CACNA2D1: variants seen among roughly 807,000 people sequenced by gnomAD.
The protein encoded by CACNA2D1 is calcium voltage-gated channel auxiliary subunit alpha2delta 1.
CACNA2D1 carries 53 observed loss-of-function variants against 171.5 expected under a neutral mutation model. The observed-to-expected ratio is 0.31, with a 90% CI of 0.25 to 0.39. The LOEUF is 0.39. Among genes scored for constraint, CACNA2D1 ranks in the 10% least tolerant of loss-of-function variants. CACNA2D1 has a pLI of 1.00. For synonymous variants in CACNA2D1, 442 were observed against 443.1 expected, an observed-to-expected ratio of 1.00 and a Z score of 0.03; for missense variants, 903 against 1,299.8, an observed-to-expected ratio of 0.69 and a Z score of 4.69.
intron 3 of CACNA2D1, among the ~76,000 whole-genome samples, chr7:82,251,457 C>T (rs1222955921): frequency 6.6e-6 from 1 of 152,064 alleles, no homozygotes; most frequent in Non-Finnish European, 1.5e-5. Context: ...TTTCATTGTA[C>T]ATTCATGGTA....
rs555207342 is a variant in CACNA2D1 at position 81,992,259 on chromosome 7, T to A, written c.1735-1013A>T. ...TATCAGGCACTATGCTAAGCACCTG[T>A]CATTCTGTCACTTAGTCCAACCACT... On this transcript the variant is annotated intron_variant, in intron 20 of 38. Transcript: ENST00000356860. 3.7e-4 allele frequency among the ~76,000 whole-genome samples: 56 copies of A among 152,312 alleles called. 2 individuals are homozygous for A. The highest frequency in any genetic ancestry group is 1.3e-3 in the African/African-American group (52 of 41,582).
At position 82,081,023 on chromosome 7, in the gene CACNA2D1, A is replaced by G. The variant is rs1271197090; in HGVS notation, c.658+3746T>C. On this transcript the variant is annotated intron_variant, in intron 7 of 38. Transcript: ENST00000356860. ...GAGTTATTAATGTTCCACTTTTTCAAATTTAATGATTAGGTCTCAGAGAGT... is the reference window on the plus strand; with the variant it reads ...GAGTTATTAATGTTCCACTTTTTCAGATTTAATGATTAGGTCTCAGAGAGT... Among the ~76,000 whole-genome samples, 6 of 152,154 alleles carry G rather than the reference A, an allele frequency of 3.9e-5. No individual in the cohort carries two copies. In the East Asian group the frequency reaches 1.2e-3, roughly 29 times the overall value.
chr7:82,232,796 A>C (rs1478838714), intron 3 of CACNA2D1, among the ~76,000 whole-genome samples: 1 of 133,348 alleles, frequency 7.5e-6, no homozygotes, highest in African/African-American at 2.8e-5. Flanking sequence ...TCCGGGAGGC[A>C]GAGGTTGCAG....
At chr7:82,065,866 A>C (rs1166080799) in intron 8 of CACNA2D1, among the ~76,000 whole-genome samples, 1 of 152,316 alleles carries the variant, frequency 6.6e-6, no homozygotes, top group African/African-American at 2.4e-5. Flanking sequence ...ATACATTTTT[A>C]AAAAGCAAAT....
At chr7:82,072,514 T>C (rs1808446988) in intron 7 of CACNA2D1, among the ~76,000 whole-genome samples, 1 of 151,722 alleles carries the variant, frequency 6.6e-6, no homozygotes, top group Non-Finnish European at 1.5e-5. Context: ...TCAGTTACTT[T>C]TGAAAAATAA....
intron 3 of CACNA2D1, among the ~76,000 whole-genome samples, chr7:82,225,183 G>A (rs993990279): frequency 1.3e-5 from 2 of 152,140 alleles, no homozygotes; most frequent in African/African-American, 4.8e-5. Flanking sequence ...AGAAAACATT[G>A]TACAGACTTT....
At chr7:82,039,522 CATT>C (rs1268010068) in intron 10 of CACNA2D1, among the ~76,000 whole-genome samples, 6 of 152,094 alleles carry the variant, frequency 3.9e-5, no homozygotes, top group Non-Finnish European at 8.8e-5. Context: ...GCAAGATAAA[CATT>C]ATCATTATCC....
chr7:82,258,687 G>A (rs1006921754), intron 3 of CACNA2D1, among the ~76,000 whole-genome samples: 8 of 151,962 alleles, frequency 5.3e-5, no homozygotes, highest in Non-Finnish European at 8.8e-5. Flanking sequence ...TTCAAAAGAC[G>A]ATGTTCTCCC....
chr7:82,279,941 A>G (rs1809867351), intron 3 of CACNA2D1, among the ~76,000 whole-genome samples: 1 of 152,140 alleles, frequency 6.6e-6, no homozygotes, highest in African/African-American at 2.4e-5. Context: ...ATCAAAACTA[A>G]TTGGACCTAA....
At chr7:82,171,265 AG>A (rs1212782038) in intron 3 of CACNA2D1, among the ~76,000 whole-genome samples, 1 of 152,098 alleles carries the variant, frequency 6.6e-6, no homozygotes, top group Non-Finnish European at 1.5e-5. Context: ...CATTAAGTTC[AG>A]TGGGAGATGA....
At chr7:82,262,098 G>A (rs890581194) in intron 3 of CACNA2D1, among the ~76,000 whole-genome samples, 1 of 152,236 alleles carries the variant, frequency 6.6e-6, no homozygotes, top group Non-Finnish European at 1.5e-5. Flanking sequence ...TTGGGAGGCC[G>A]AGGCGGGCAG....
At chr7:81,989,827 T>A (rs907727335) in intron 21 of CACNA2D1, among the ~76,000 whole-genome samples, 25 of 152,126 alleles carry the variant, frequency 1.6e-4, no homozygotes, top group African/African-American at 5.3e-4. Flanking sequence ...ACCCAAGGAA[T>A]TTCTGCTAAA....
intron 1 of CACNA2D1, among the ~76,000 whole-genome samples, chr7:82,440,326 C>A (rs6952619): frequency 0.63 from 95,791 of 151,634 alleles, 31,615 homozygotes; most frequent in African/African-American, 0.82. Flanking sequence ...ATTTAAATTA[C>A]CATTATAATA....
At chr7:82,229,724 T>C (rs1802717325) in intron 3 of CACNA2D1, among the ~76,000 whole-genome samples, 1 of 144,464 alleles carries the variant, frequency 6.9e-6, no homozygotes, top group Admixed American at 6.8e-5. Flanking sequence ...ATTGACAGGG[T>C]CTCACTTTGT....
chr7:82,412,010 C>T (rs2129455298), intron 1 of CACNA2D1, among the ~76,000 whole-genome samples: 1 of 152,098 alleles, frequency 6.6e-6, no homozygotes, highest in East Asian at 1.9e-4. Context: ...TCAAATGGTG[C>T]TGCTGAGCTG....
intron 18 of CACNA2D1, among the ~76,000 whole-genome samples, chr7:82,003,744 C>CTTT (rs780882992): frequency 2.2e-5 from 3 of 137,128 alleles, no homozygotes; most frequent in Non-Finnish European, 3.2e-5. Flanking sequence ...CATCACATTA[C>CTTT]TTTTTTTTTT....
At chr7:82,154,315 G>A (rs963443406) in intron 4 of CACNA2D1, among the ~76,000 whole-genome samples, 1 of 152,150 alleles carries the variant, frequency 6.6e-6, no homozygotes. Flanking sequence ...CAAGAAGTAT[G>A]TGAGTTTTGT....
At chr7:82,172,642 G>GTTTTTTTTT (rs1796147776) in intron 3 of CACNA2D1, among the ~76,000 whole-genome samples, 1 of 51,230 alleles carries the variant, frequency 2.0e-5, no homozygotes, top group African/African-American at 1.0e-4. Flanking sequence ...TTTTTTTTTG[G>GTTTTTTTTT]TAAAGATGGG....
chr7:82,220,781 CTT>C (rs71093369), intron 3 of CACNA2D1, among the ~76,000 whole-genome samples: 4 of 134,420 alleles, frequency 3.0e-5, no homozygotes, highest in Admixed American at 7.8e-5. Context: ...TTTCTTTTTT[CTT>C]TTTTTTTTTT....
Sources: gnomAD v4.1 joint callset for allele counts (sites outside exome capture counted in the v4.1 genomes callset) on GRCh38, gnomAD v4.1.1 for gene constraint, MANE v1.5 for transcripts, NCBI Gene and HGNC (gene_info 2026-07-23, HGNC 2026-07-21) for gene names.